Variants in KCTD2 observed in about 807,000 individuals in gnomAD.
KCTD2 encodes the protein potassium channel tetramerization domain containing 2.
A neutral mutation model predicts 27.9 loss-of-function variants in KCTD2; 18 were observed. The ratio of observed to expected loss-of-function variants is 0.64; its 90% CI spans 0.45 to 0.96. The LOEUF is 0.96. KCTD2 is among the 40% of genes least tolerant of loss of function. The pLI, the probability that KCTD2 is intolerant of heterozygous loss-of-function variation, is 0.00. For missense variants in KCTD2, 280 were observed against 348.0 expected, an observed-to-expected ratio of 0.80 and a Z score of 1.56; for synonymous variants, 175 against 148.4, an observed-to-expected ratio of 1.18 and a Z score of -1.30.
intron 3 of KCTD2, among the ~76,000 whole-genome samples, chr17:75,056,926 C>A (rs1239929476): frequency 6.7e-6 from 1 of 149,804 alleles, no homozygotes; most frequent in African/African-American, 2.5e-5. Flanking sequence ...TAACTACTTT[C>A]CTCTGTTTCT....
rs1019056120 is a variant in KCTD2, at chr17:75,033,721, G to A, written c.-469-312G>A. On this transcript the variant is annotated intron_variant, in intron 1 of 7. Transcript: ENST00000581589. ...GGCGTCCCAGTGCCGGGGGCTGGGG[G>A]CTGGTGCTCGCTAAGTAAGGATGGG... Among the ~76,000 whole-genome samples, 3 of 152,228 alleles carry A rather than the reference G, an allele frequency of 2.0e-5. No individual in the cohort carries two copies. The South Asian group carries it at 6.2e-4, about 32-fold the overall frequency.
rs1424234128 is a variant in KCTD2 at position 75,063,878 on chromosome 17, C to G, written c.*831C>G. The G allele has an allele frequency of 6.5e-6, 1 of 152,708 alleles. No homozygotes were observed. The highest frequency in any genetic ancestry group is 2.4e-5 in the African/African-American group (1 of 41,440). 9.5% of individuals were successfully genotyped at this position (152,708 alleles called of 1,614,324 possible). ...ACTCCCCATTGACCCTGTCTTCCTTCCCTGGCTTTTTCAACTGGACCAAAG... is the reference window on the plus strand; with the variant it reads ...ACTCCCCATTGACCCTGTCTTCCTTGCCTGGCTTTTTCAACTGGACCAAAG... On this transcript the variant is annotated 3_prime_UTR_variant, in exon 6 of 6. Coordinates refer to ENST00000322444, the MANE Select transcript of KCTD2 (RefSeq NM_015353.3).
intron 3 of KCTD2, chr17:75,035,499 A>G (rs760513418): frequency 6.6e-6 from 1 of 152,268 alleles, no homozygotes; most frequent in Non-Finnish European, 1.5e-5. Context: ...GTTTCAGTCT[A>G]TCGTTATGAA....
At chr17:75,054,433 G>A (rs941169002) in intron 3 of KCTD2, among the ~76,000 whole-genome samples, 2 of 152,184 alleles carry the variant, frequency 1.3e-5, no homozygotes, top group East Asian at 1.9e-4. Flanking sequence ...TCATATGTTT[G>A]TCGTGTGTTT....
At chr17:75,047,611 GCCCCCGGGCCTTCGAA>G in intron 1 of KCTD2, 22 bp downstream of exon 1, 1 of 1,595,638 alleles carries the variant, frequency 6.3e-7, no homozygotes, top group Non-Finnish European at 8.5e-7. Context: ...CCTCGGGCGC[GCCCCCGGGCCTTCGAA>G]CCCCCTGGTT....
At chr17:75,043,330 G>A (rs2073179395), upstream of KCTD2, among the ~76,000 whole-genome samples, 1 of 151,586 alleles carries the variant, frequency 6.6e-6, no homozygotes, top group Non-Finnish European at 1.5e-5. Context: ...CAGCTCTCTT[G>A]GCCGGGCGCA....
At chr17:75,062,956 TC>T (rs1314846763) in intron 5 of KCTD2, 61 bp from the exon 6 acceptor site, 2 of 1,566,384 alleles carry the variant, frequency 1.3e-6, no homozygotes, top group African/African-American at 2.7e-5. Flanking sequence ...GTGGAAAGCA[TC>T]CCCCGACATC....
At chr17:75,051,896 GT>G (rs2073292323) in intron 2 of KCTD2, among the ~76,000 whole-genome samples, 1 of 152,124 alleles carries the variant, frequency 6.6e-6, no homozygotes, top group Non-Finnish European at 1.5e-5. Context: ...ACGTCTCATA[GT>G]TGCCCTAAGG....
In KCTD2 at chr17:75,063,084, A is replaced by C. The variant is rs761930990; in HGVS notation, c.*37A>C. 1.9e-6 allele frequency: 3 copies of C among 1,598,702 alleles called. No homozygotes were observed. In the South Asian group the frequency reaches 3.3e-5, roughly 18 times the overall value. Reference sequence around the variant, plus strand: ...GAAAACTCCAGACCTTCAGGAGAGCAGTCAGCAGAGCCCCTCTGTGAAGTG... The same window carrying C: ...GAAAACTCCAGACCTTCAGGAGAGCCGTCAGCAGAGCCCCTCTGTGAAGTG... On this transcript the variant is annotated 3_prime_UTR_variant, in exon 6 of 6. Coordinates refer to ENST00000322444, the MANE Select transcript of KCTD2 (RefSeq NM_015353.3).
intron 3 of KCTD2, among the ~76,000 whole-genome samples, chr17:75,035,703 G>A (rs1256246807): frequency 2.0e-5 from 3 of 152,092 alleles, no homozygotes; most frequent in African/African-American, 7.2e-5. Flanking sequence ...GGTGGCACGC[G>A]CCTGTAAACC....
chr17:75,039,345 GTCCCA>G, intron 3 of KCTD2: 1 of 1,357,228 alleles, frequency 7.4e-7, no homozygotes, highest in Non-Finnish European at 1.0e-6. Context: ...GGTAGGAGTC[GTCCCA>G]GCCCACTCCT....
intron 1 of KCTD2, 21 bp downstream of exon 1, chr17:75,047,610 C>T (rs1208904450): frequency 1.3e-6 from 2 of 1,597,268 alleles, no homozygotes; most frequent in Admixed American, 1.7e-5. Flanking sequence ...CCCTCGGGCG[C>T]GCCCCCGGGC....
At chr17:75,039,093 T>C (rs2073130881) in intron 3 of KCTD2, 2 of 1,612,958 alleles carry the variant, frequency 1.2e-6, no homozygotes, top group South Asian at 1.1e-5. Context: ...GTTTAGTTAA[T>C]GTAAACAGAG....
upstream of KCTD2, chr17:75,047,188 C>T: frequency 2.0e-6 from 1 of 500,880 alleles, no homozygotes; most frequent in Non-Finnish European, 2.9e-6. Context: ...CCCGGCTCTC[C>T]CTGCCGAGAA....
intron 3 of KCTD2, 103 bp downstream of exon 3, chr17:75,053,208 T>A: frequency 2.3e-6 from 2 of 866,680 alleles, no homozygotes; most frequent in East Asian, 5.3e-5. Flanking sequence ...TGGAGGTGTG[T>A]GTGGAACACC....
At chr17:75,036,488 T>TA (rs2040115228) in intron 3 of KCTD2, among the ~76,000 whole-genome samples, 1 of 152,166 alleles carries the variant, frequency 6.6e-6, no homozygotes, top group Non-Finnish European at 1.5e-5. Flanking sequence ...CAAGAGGGCA[T>TA]AAAAAATAAA....
At chr17:75,054,821 AAAG>A (rs1208912177) in intron 3 of KCTD2, among the ~76,000 whole-genome samples, 2 of 152,084 alleles carry the variant, frequency 1.3e-5, no homozygotes, top group Non-Finnish European at 1.5e-5. Context: ...AAAAAAAAAA[AAAG>A]AAGCTTGAAG....
rs763352643 is a variant in KCTD2 at position 75,059,588 on chromosome 17, G to A, written c.619G>A (p.Gly207Ser). Reference protein sequence around the residue: ...LTQMVSTMSDGWKFEQLISIG... With the variant: ...LTQMVSTMSDSWKFEQLISIG... ...GCAGATGGTGTCCACGATGTCCGAC[G>A]GCTGGAAATTCGAACAGGTACATCT... Residue 207 changes from glycine to serine, a missense_variant, in exon 4 of 6, where the codon GGC becomes AGC. Physicochemically the swap from Gly to Ser is moderately conservative, Grantham distance 56. Coordinates refer to ENST00000322444, the MANE Select transcript of KCTD2 (RefSeq NM_015353.3). 3 of 1,613,944 alleles carry A rather than the reference G, an allele frequency of 1.9e-6. No homozygotes were observed. The highest frequency in any genetic ancestry group is 1.7e-5 in the Admixed American group (1 of 60,012).
chr17:75,059,042 G>C (rs1450510319), intron 3 of KCTD2: 2 of 152,112 alleles, frequency 1.3e-5, no homozygotes, highest in Non-Finnish European at 2.9e-5. Flanking sequence ...AGCCTGCAGT[G>C]AGCCAAGATT....
Sources: allele counts gnomAD v4.1 joint callset (sites outside exome capture counted in the v4.1 genomes callset), GRCh38; gene constraint gnomAD v4.1.1; transcripts MANE v1.5; gene names NCBI Gene and HGNC (gene_info 2026-07-23, HGNC 2026-07-21).